IL1RAPL1: variants seen among roughly 807,000 people sequenced by gnomAD.
IL1RAPL1 encodes interleukin 1 receptor accessory protein like 1, also known as interleukin-1 receptor accessory protein-like 1.
In IL1RAPL1, 3 loss-of-function variants were observed where a neutral mutation model predicts 48.4. The observed-to-expected ratio is 0.06, with a 90% CI of 0.03 to 0.16. IL1RAPL1 has a LOEUF of 0.16. Ranked by LOEUF, IL1RAPL1 falls within the 10% of genes least tolerant of loss-of-function variation. The probability of loss-of-function intolerance (pLI) is 1.00; values close to 1 mark genes in which losing one functional copy is unlikely to be tolerated. For synonymous variants in IL1RAPL1, 185 were observed against 187.7 expected (o/e 0.99, Z 0.12); for missense variants, 349 against 530.6 (o/e 0.66, Z 3.36).
intron 5 of IL1RAPL1, among the ~76,000 whole-genome samples, chrX:29,405,194 G>C (rs1487524468): frequency 9.2e-6 from 1 of 109,068 alleles, no homozygotes; most frequent in Non-Finnish European, 1.9e-5. Flanking sequence ...TTACAGGCGT[G>C]AGCTACCGCG....
At chrX:28,759,911 A>T (rs1471143242) in intron 1 of IL1RAPL1, among the ~76,000 whole-genome samples, 6 of 111,899 alleles carry the variant, frequency 5.4e-5, no homozygotes, top group African/African-American at 1.3e-4. Context: ...GCCTAATTTT[A>T]AAAAAAGACA....
intron 3 of IL1RAPL1, among the ~76,000 whole-genome samples, chrX:29,379,678 G>T (rs1933669347): frequency 8.9e-6 from 1 of 111,778 alleles, no homozygotes; most frequent in Non-Finnish European, 1.9e-5. Flanking sequence ...ATAACGTTCA[G>T]GTACCTTATA....
chrX:29,496,181 T>C (rs763774499), intron 5 of IL1RAPL1, among the ~76,000 whole-genome samples: 2 of 112,056 alleles, frequency 1.8e-5, no homozygotes, highest in African/African-American at 6.5e-5. Flanking sequence ...TCCCTACATA[T>C]AGAATATTAA....
chrX:29,231,033 C>T (rs1292230959), intron 2 of IL1RAPL1, among the ~76,000 whole-genome samples: 1 of 112,267 alleles, frequency 8.9e-6, no homozygotes, highest in Non-Finnish European at 1.9e-5. Context: ...TCTGCTGCTA[C>T]AAGATATTAG....
At chrX:29,547,989 A>G (rs1250262565) in intron 5 of IL1RAPL1, among the ~76,000 whole-genome samples, 1 of 112,442 alleles carries the variant, frequency 8.9e-6, no homozygotes, top group Admixed American at 9.4e-5. Context: ...AAAATAGAAC[A>G]TTAGCATTAA....
At chrX:29,502,089 T>C (rs1391500627) in intron 5 of IL1RAPL1, among the ~76,000 whole-genome samples, 1 of 111,483 alleles carries the variant, frequency 9.0e-6, no homozygotes, top group African/African-American at 3.3e-5. Context: ...TTGTAGCTAT[T>C]ATAAATGAGA....
intron 5 of IL1RAPL1, among the ~76,000 whole-genome samples, chrX:29,613,391 C>A (rs1009709784): frequency 1.8e-5 from 2 of 111,003 alleles, no homozygotes; most frequent in Admixed American, 1.9e-4. Flanking sequence ...AAATGTTCAA[C>A]CCTAGCCACT....
intron 1 of IL1RAPL1, among the ~76,000 whole-genome samples, chrX:28,784,818 G>A (rs1440647516): frequency 9.0e-6 from 1 of 110,736 alleles, no homozygotes; most frequent in East Asian, 2.9e-4. Context: ...TATAAAAGGA[G>A]TCTCAACTTC....
intron 2 of IL1RAPL1, among the ~76,000 whole-genome samples, chrX:29,032,843 G>A (rs745511314): frequency 1.8e-5 from 2 of 112,342 alleles, no homozygotes; most frequent in South Asian, 3.7e-4. Context: ...ACTGTTTATG[G>A]AACCATGGGC....
At chrX:29,380,628 A>T (rs1933685146) in intron 3 of IL1RAPL1, among the ~76,000 whole-genome samples, 1 of 112,372 alleles carries the variant, frequency 8.9e-6, no homozygotes, top group South Asian at 3.7e-4. Flanking sequence ...ACTGGCCTAT[A>T]GTCTCATTAA....
At chrX:29,240,215 T>C (rs1388089887) in intron 2 of IL1RAPL1, among the ~76,000 whole-genome samples, 1 of 27,610 alleles carries the variant, frequency 3.6e-5, no homozygotes, top group Non-Finnish European at 6.2e-5. Context: ...TATATATATA[T>C]ATATATATAT....
At chrX:28,786,966 A>G (rs1031415825) in intron 1 of IL1RAPL1, among the ~76,000 whole-genome samples, 23 of 112,328 alleles carry the variant, frequency 2.0e-4, no homozygotes, top group Non-Finnish European at 3.6e-4. Flanking sequence ...TTAAGACACA[A>G]TAAACTTCCT....
intron 5 of IL1RAPL1, among the ~76,000 whole-genome samples, chrX:29,541,196 TAGTC>T (rs763537330): frequency 1.1e-3 from 125 of 111,759 alleles, no homozygotes; most frequent in Non-Finnish European, 1.8e-3. Context: ...AAATCGCTCT[TAGTC>T]AGAGAAATGC....
intron 2 of IL1RAPL1, among the ~76,000 whole-genome samples, chrX:28,995,728 ATCT>A (rs753832610): frequency 9.0e-6 from 1 of 111,006 alleles, no homozygotes; most frequent in South Asian, 3.8e-4. Flanking sequence ...TTCTACTTTG[ATCT>A]TCTTTCTCTT....
intron 6 of IL1RAPL1, among the ~76,000 whole-genome samples, chrX:29,874,012 A>G (rs1027833829): frequency 8.9e-6 from 1 of 112,223 alleles, no homozygotes. Context: ...GCTCTGCACC[A>G]TTATTTTCCT....
At chrX:29,002,687 A>C (rs1480724984) in intron 2 of IL1RAPL1, among the ~76,000 whole-genome samples, 1 of 112,044 alleles carries the variant, frequency 8.9e-6, no homozygotes, top group East Asian at 2.8e-4. Context: ...TGGTAGGATA[A>C]AACAATAGAT....
intron 6 of IL1RAPL1, among the ~76,000 whole-genome samples, chrX:29,766,327 C>CAAAAAAAAAAAAA (rs1220003136): frequency 3.9e-4 from 10 of 25,639 alleles, no homozygotes; most frequent in African/African-American, 2.1e-3. Context: ...GACTCCGTCT[C>CAAAAAAAAAAAAA]AAAAAAAAAA....
chrX:28,643,216 G>T (rs1460765767), intron 1 of IL1RAPL1, among the ~76,000 whole-genome samples: 1 of 111,386 alleles, frequency 9.0e-6, no homozygotes, highest in Non-Finnish European at 1.9e-5. Flanking sequence ...TCCTATCAGG[G>T]TGTCCCACTC....
chrX:28,970,186 C>T (rs1184861659), intron 2 of IL1RAPL1, among the ~76,000 whole-genome samples: 1 of 111,566 alleles, frequency 9.0e-6, no homozygotes, highest in East Asian at 2.8e-4. Flanking sequence ...ATTTGTAGTA[C>T]AGATGGGGTT....
Sources: allele counts gnomAD v4.1 joint callset (sites outside exome capture counted in the v4.1 genomes callset), GRCh38; gene constraint gnomAD v4.1.1; transcripts MANE v1.5; gene names NCBI Gene and HGNC (gene_info 2026-07-23, HGNC 2026-07-21).